TXLNG: variants seen among roughly 807,000 people sequenced by gnomAD.
TXLNG encodes the protein gamma-taxilin.
TXLNG carries 5 observed loss-of-function variants against 38.8 expected under a neutral mutation model. The observed-to-expected ratio is 0.13, with a 90% confidence interval of 0.07 to 0.27. The LOEUF (loss-of-function observed/expected upper bound fraction) is 0.27. TXLNG is among the 10% of genes least tolerant of loss of function. The probability of loss-of-function intolerance (pLI) is 1.00; values close to 1 mark genes in which losing one functional copy is unlikely to be tolerated. For synonymous variants in TXLNG, 182 were observed against 158.2 expected (o/e 1.15, Z -1.13); for missense variants, 393 against 398.2 (o/e 0.99, Z 0.11).
At chrX:16,823,722 A>C (rs922966170) in intron 3 of TXLNG, among the ~76,000 whole-genome samples, 3 of 111,457 alleles carry the variant, frequency 2.7e-5, no homozygotes, top group African/African-American at 9.8e-5. Flanking sequence ...CAACATGTTC[A>C]CCAGATCACA....
At chrX:16,801,106 C>T (rs1439013795) in intron 1 of TXLNG, among the ~76,000 whole-genome samples, 13 of 112,905 alleles carry the variant, frequency 1.2e-4, no homozygotes, top group Admixed American at 8.4e-4. Context: ...GCGATGCCAG[C>T]GCCATGCTTC....
chrX:16,817,895 A>C (rs892052852), intron 1 of TXLNG, among the ~76,000 whole-genome samples: 1 of 112,402 alleles, frequency 8.9e-6, no homozygotes. Flanking sequence ...CTGTATGTAC[A>C]TAGGATATGG....
intron 1 of TXLNG, among the ~76,000 whole-genome samples, chrX:16,815,497 A>G (rs749647684): frequency 9.4e-5 from 10 of 106,384 alleles, no homozygotes; most frequent in Non-Finnish European, 1.9e-4. Context: ...CTTATACCTA[A>G]TGGTTTTCAG....
In TXLNG at chrX:16,800,465, T is replaced by G. The variant is rs1928047879; in HGVS notation, c.102+13876T>G. 3.6e-5 allele frequency among the ~76,000 whole-genome samples: 4 copies of G among 110,462 alleles called. No homozygotes were observed. In the Admixed American group the frequency reaches 3.9e-4, roughly 11 times the overall value. On this transcript the variant is annotated intron_variant, in intron 1 of 9. Coordinates refer to ENST00000380122, the MANE Select transcript of TXLNG (RefSeq NM_018360.3). ...GTGTTGCTGTATTGCCCAGGCTGGT[T>G]TGGAACTGCTGGACTCAAACAATCT...
At chrX:16,802,269 T>TTA (rs1486882714) in intron 1 of TXLNG, among the ~76,000 whole-genome samples, 2 of 101,128 alleles carry the variant, frequency 2.0e-5, no homozygotes, top group African/African-American at 3.6e-5. Context: ...TTTTTTTTTT[T>TTA]AGACACAGTC....
At chrX:16,815,444 G>A (rs1324418268) in intron 1 of TXLNG, among the ~76,000 whole-genome samples, 2 of 111,826 alleles carry the variant, frequency 1.8e-5, no homozygotes, top group African/African-American at 6.5e-5. Context: ...CAAAGTGCTG[G>A]GATTACAGGC....
At position 16,832,723 on chromosome X, in the gene TXLNG, A is replaced by G; in HGVS notation, c.965A>G (p.His322Arg). 1.7e-6 allele frequency: 2 copies of G among 1,202,394 alleles called. No homozygotes were observed. The highest frequency in any genetic ancestry group is 2.2e-6 in the Non-Finnish European group (2 of 892,081). Residue 322 changes from histidine (H) to arginine (R), a missense_variant, in exon 6 of 10, where the codon CAT becomes CGT. Physicochemically the swap from His to Arg is conservative, Grantham distance 29. Coordinates refer to ENST00000380122, the MANE Select transcript of TXLNG (RefSeq NM_018360.3). ...CTGATAAAAGAAGCTGATGAAAAAC[A>G]TCAGAGAGAGAGAGAGTTTGTAAGT... ...TQLIKEADEK[H>R]QREREFLLKE...
chrX:16,797,470 G>T (rs1449963693), intron 1 of TXLNG, among the ~76,000 whole-genome samples: 1 of 111,584 alleles, frequency 9.0e-6, no homozygotes, highest in Non-Finnish European at 1.9e-5. Flanking sequence ...AGGCTTGACT[G>T]GGAAAGATCC....
intron 1 of TXLNG, among the ~76,000 whole-genome samples, chrX:16,791,316 C>G (rs1214097965): frequency 9.0e-6 from 1 of 111,490 alleles, no homozygotes; most frequent in Admixed American, 9.6e-5. Flanking sequence ...GTTTTTCTCC[C>G]CATTTGCCAA....
chrX:16,841,658 G>A lies in TXLNG; in HGVS notation c.1479G>A (p.Ser493=), dbSNP rs35695010. The stretch of plus-strand genomic sequence containing the variant: ...CTCACAAGGAGCTGAACACTTCCTC[G>A]AAAAGAGCCCTGGGAGCGCACCTGG... ...LDSHKELNTS[S]KRALGAHLEA... The change falls in exon 10 of 10, where the codon TCG becomes TCA. Residue 493 remains serine, a synonymous_variant. Transcript: ENST00000380122. 33 of 1,209,856 alleles carry A rather than the reference G, an allele frequency of 2.7e-5. No homozygotes were observed. The African/African-American group carries it at 3.0e-4, about 11-fold the overall frequency.
chrX:16,840,709 T>C (rs1929769261), intron 9 of TXLNG, among the ~76,000 whole-genome samples: 1 of 110,522 alleles, frequency 9.0e-6, no homozygotes, highest in Admixed American at 9.6e-5. Context: ...GAGGCGGAGG[T>C]TGCAGTGAGC....
intron 1 of TXLNG, among the ~76,000 whole-genome samples, chrX:16,795,632 A>G (rs1202946180): frequency 1.8e-5 from 2 of 111,383 alleles, no homozygotes; most frequent in African/African-American, 6.5e-5. Context: ...ATGCTGTGAC[A>G]GTTACTCTGG....
intron 1 of TXLNG, among the ~76,000 whole-genome samples, chrX:16,787,131 C>T (rs1422160239): frequency 1.8e-5 from 2 of 112,422 alleles, no homozygotes; most frequent in African/African-American, 6.4e-5. Context: ...CTTGGCCCCC[C>T]TTCCCCCGCC....
At chrX:16,818,500 C>T (rs1205240842) in intron 1 of TXLNG, 74 bp from the exon 2 acceptor site, 43 of 1,085,783 alleles carry the variant, frequency 4.0e-5, no homozygotes, top group Non-Finnish European at 5.2e-5. Flanking sequence ...CTATGATGTT[C>T]CATTGCTTGT....
At position 16,841,913 on chromosome X, in the gene TXLNG, G is replaced by A; in HGVS notation, c.*147G>A. ...GAACTACTGGACTTATGTGGTACAG[G>A]AGGCTGCTTAGCAGTTTTGAATAGT... On this transcript the variant is annotated 3_prime_UTR_variant, in exon 10 of 10. Transcript: ENST00000380122. 1 of 649,407 alleles carries A rather than the reference G, an allele frequency of 1.5e-6. No individual in the cohort carries two copies. The highest frequency in any genetic ancestry group is 3.5e-5 in the East Asian group (1 of 28,460). 53.5% of individuals were successfully genotyped at this position (649,407 alleles called of 1,213,427 possible).
Position 16,820,211 on chromosome X carries a change from C to G in TXLNG, c.454C>G (p.Pro152Ala). The stretch of plus-strand genomic sequence containing the variant: ...GCAAGCCCTAAACACCCTTTCAACC[C>G]CAGAGGAGAAGCTGGCAGCTCTCTG... ...LMQALNTLST[P>A]EEKLAALCKK... Residue 152 changes from proline to alanine, a missense_variant, in exon 3 of 10, where the codon CCA (proline) becomes GCA (alanine). Pro to Ala is a conservative substitution (Grantham distance 27, BLOSUM62 -1). Transcript: ENST00000380122. 8.3e-7 allele frequency: 1 copy of G among 1,209,966 alleles called. No homozygotes were observed. The highest frequency in any genetic ancestry group is 1.1e-6 in the Non-Finnish European group (1 of 894,738).
chrX:16,813,684 G>A (rs1345398941), intron 1 of TXLNG, among the ~76,000 whole-genome samples: 1 of 107,062 alleles, frequency 9.3e-6, no homozygotes, highest in African/African-American at 3.4e-5. Flanking sequence ...TAGTCTTACA[G>A]TTCCTCAAAA....
chrX:16,787,585 T>C (rs1279714810), intron 1 of TXLNG, among the ~76,000 whole-genome samples: 1 of 110,599 alleles, frequency 9.0e-6, no homozygotes, highest in Non-Finnish European at 1.9e-5. Context: ...ATTCCACTTG[T>C]TCTGGAGCTC....
chrX:16,809,518 A>G lies in TXLNG; in HGVS notation c.103-9056A>G, dbSNP rs770663305. 1.3e-3 allele frequency among the ~76,000 whole-genome samples: 141 copies of G among 108,526 alleles called. 1 individual carries two copies. The highest frequency in any genetic ancestry group is 4.7e-3 in the African/African-American group (140 of 29,819). 94.2% of individuals were successfully genotyped at this position (108,526 alleles called of 115,157 possible). ...GCCACCACGCCCAGCTAATTTTTGT[A>G]TTTTTAGTAGAGATGGGGTTTCACC... On this transcript the variant is annotated intron_variant, in intron 1 of 9. Transcript: ENST00000380122.
Sources: allele counts gnomAD v4.1 joint callset (sites outside exome capture counted in the v4.1 genomes callset), GRCh38; gene constraint gnomAD v4.1.1; transcripts MANE v1.5; gene names NCBI Gene and HGNC (gene_info 2026-07-23, HGNC 2026-07-21).